The following TOGARAM1 variants were observed in gnomAD, a reference collection of about 807,000 sequenced individuals.
TOGARAM1 encodes the protein TOG array regulator of axonemal microtubules 1, also known as TOG array regulator of axonemal microtubules protein 1.
A neutral mutation model predicts 166.6 loss-of-function variants in TOGARAM1; 100 were observed. The observed-to-expected ratio is 0.60, with a 90% CI of 0.51 to 0.71. The LOEUF (loss-of-function observed/expected upper bound fraction) is 0.71. Ranked by LOEUF, TOGARAM1 falls within the 30% of genes least tolerant of loss-of-function variation. The pLI, the probability that TOGARAM1 is intolerant of heterozygous loss-of-function variation, is 0.00. For missense variants in TOGARAM1, 2,029 were observed against 2,102.7 expected, an observed-to-expected ratio of 0.96 and a Z score of 0.69; for synonymous variants, 758 against 763.8, an observed-to-expected ratio of 0.99 and a Z score of 0.13.
Position 45,046,582 on chromosome 14 carries a change from C to A in TOGARAM1, c.4192C>A (p.His1398Asn). Residue 1398 changes from histidine to asparagine, a missense_variant, in exon 14 of 20, where the codon CAT becomes AAT. This residue lies in a region of TOGARAM1 where 576 missense variants were observed against 670.5 expected (regional missense o/e 0.86). Coordinates refer to ENST00000361462, the MANE Select transcript of TOGARAM1 (RefSeq NM_001308120.2). ...HIAVRRCTAQHLSDVLEFMEP... is the reference protein window; with the variant it reads ...HIAVRRCTAQNLSDVLEFMEP... The stretch of plus-strand genomic sequence containing the variant: ...TGCTGTAAGAAGGTGTACAGCCCAG[C>A]ATTTATCAGATGTATTGGAATTTAT... The A allele has an allele frequency of 1.4e-6, 2 of 1,388,754 alleles. No individual in the cohort carries two copies. The highest frequency in any genetic ancestry group is 1.9e-6 in the Non-Finnish European group (2 of 1,064,518). The allele number at this position is 1,388,754 out of a possible 1,614,324, so 86.0% of individuals were successfully genotyped here.
At chr14:45,002,537 G>A (rs558966212) in intron 3 of TOGARAM1, among the ~76,000 whole-genome samples, 1 of 152,260 alleles carries the variant, frequency 6.6e-6, no homozygotes, top group African/African-American at 2.4e-5. Flanking sequence ...CTATGGTATG[G>A]ATGCAAAACA....
At chr14:45,036,383 A>G (rs1881439816) in intron 11 of TOGARAM1, among the ~76,000 whole-genome samples, 1 of 152,164 alleles carries the variant, frequency 6.6e-6, no homozygotes, top group African/African-American at 2.4e-5. Flanking sequence ...AGATTAGATT[A>G]AAAAGCAAGA....
intron 16 of TOGARAM1, among the ~76,000 whole-genome samples, chr14:45,056,212 T>C (rs1882630049): frequency 6.6e-6 from 1 of 152,204 alleles, no homozygotes; most frequent in African/African-American, 2.4e-5. Flanking sequence ...TATTGATTTT[T>C]TTAAGTTGAT....
intron 10 of TOGARAM1, 105 bp downstream of exon 10, chr14:45,028,434 T>C: frequency 2.5e-6 from 3 of 1,217,350 alleles, no homozygotes; most frequent in Non-Finnish European, 3.4e-6. Context: ...TGAAATATCT[T>C]ATATAACACC....
intron 10 of TOGARAM1, among the ~76,000 whole-genome samples, chr14:45,031,498 C>G (rs7146138): frequency 3.7e-4 from 56 of 152,254 alleles, no homozygotes; most frequent in African/African-American, 1.1e-3. Context: ...TAGAGAAAAT[C>G]AACTAGAATT....
intron 2 of TOGARAM1, among the ~76,000 whole-genome samples, chr14:44,999,110 T>A (rs1299422102): frequency 6.6e-6 from 1 of 152,062 alleles, no homozygotes; most frequent in Non-Finnish European, 1.5e-5. Context: ...AAGAAACTGC[T>A]TTTGCAGATA....
intron 11 of TOGARAM1, among the ~76,000 whole-genome samples, chr14:45,041,960 A>G (rs1228108054): frequency 1.3e-5 from 2 of 152,144 alleles, no homozygotes; most frequent in Non-Finnish European, 2.9e-5. Flanking sequence ...ACAGAGTTTC[A>G]CCCAAGCTAG....
intron 16 of TOGARAM1, among the ~76,000 whole-genome samples, chr14:45,058,305 T>A (rs1882739764): frequency 6.6e-6 from 1 of 151,996 alleles, no homozygotes; most frequent in Non-Finnish European, 1.5e-5. Flanking sequence ...GTCTTTTTTT[T>A]TTTTTTTGAG....
chr14:45,043,012 A>G (rs139669685), intron 11 of TOGARAM1, among the ~76,000 whole-genome samples: 188 of 152,258 alleles, frequency 1.2e-3, no homozygotes, highest in African/African-American at 4.3e-3. Context: ...TAAGAATCAT[A>G]CTGGTTTTGA....
In TOGARAM1 at chr14:45,004,171, T is replaced by A. The variant is rs1887830948; in HGVS notation, c.2449T>A (p.Ser817Thr). Residue 817 changes from serine (S) to threonine (T), a missense_variant, in exon 4 of 20, where the codon TCC (serine) becomes ACC (threonine). Around this residue, in one of 2 missense-constraint regions of TOGARAM1, gnomAD observed 1,453 missense variants for 1,432.2 expected, o/e 1.01. Coordinates refer to ENST00000361462, the MANE Select transcript of TOGARAM1 (RefSeq NM_001308120.2). ...NPSPGAYILP[S>T]YPVSSPRTSP... ...AAGTCCAGGAGCTTACATCCTTCCA[T>A]CCTATCCTGTCTCATCACCTCGAAC... The A allele has an allele frequency of 6.2e-7, 1 of 1,614,016 alleles. No individual in the cohort carries two copies. The highest frequency in any genetic ancestry group is 8.5e-7 in the Non-Finnish European group (1 of 1,180,024).
At chr14:44,982,217 G>A (rs1006943505) in intron 1 of TOGARAM1, among the ~76,000 whole-genome samples, 4 of 152,078 alleles carry the variant, frequency 2.6e-5, no homozygotes, top group South Asian at 2.1e-4. Context: ...ATATAATATC[G>A]TGGTGTGTTT....
intron 1 of TOGARAM1, among the ~76,000 whole-genome samples, chr14:44,994,172 T>C (rs897973132): frequency 6.6e-6 from 1 of 152,182 alleles, no homozygotes; most frequent in Non-Finnish European, 1.5e-5. Context: ...AGTGGCATGA[T>C]CTTGGCTCAC....
Position 45,004,042 on chromosome 14 carries a change from A to T in TOGARAM1, c.2339-19A>T. The T allele has an allele frequency of 6.3e-7, 1 of 1,586,502 alleles. No homozygotes were observed. The highest frequency in any genetic ancestry group is 8.6e-7 in the Non-Finnish European group (1 of 1,166,984). On this transcript the variant is annotated intron_variant, in intron 3 of 19. Transcript: ENST00000361462. ...ACTGTGTATACATAAATAATATATT[A>T]TCTTTTGTTTTATTACAGTGTATGC...
At chr14:45,062,066 C>G (rs142396892) in intron 16 of TOGARAM1, among the ~76,000 whole-genome samples, 2 of 152,218 alleles carry the variant, frequency 1.3e-5, no homozygotes, top group East Asian at 3.9e-4. Context: ...ATATTACTGA[C>G]TATTTTATAT....
At chr14:45,026,987 G>A (rs1426467869) in intron 8 of TOGARAM1, among the ~76,000 whole-genome samples, 1 of 151,970 alleles carries the variant, frequency 6.6e-6, no homozygotes, top group Non-Finnish European at 1.5e-5. Flanking sequence ...CAGCCTGGGT[G>A]ACAGAGAGAG....
At chr14:45,002,084 A>C (rs1415973988) in intron 3 of TOGARAM1, among the ~76,000 whole-genome samples, 1 of 152,104 alleles carries the variant, frequency 6.6e-6, no homozygotes, top group African/African-American at 2.4e-5. Flanking sequence ...TTAGTAGAGA[A>C]GATTTCGTGT....
rs1485082790 is a variant in TOGARAM1, at chr14:45,006,171, G to T, written c.2808G>T (p.Lys936Asn). ...KADLSTVGHK[K>N]KEPDDIWKCE... ...ATTTAAGCACAGTGGGACACAAAAAGAAAGAGCCTGATGATATTTGGAAGT... is the reference window on the plus strand; with the variant it reads ...ATTTAAGCACAGTGGGACACAAAAATAAAGAGCCTGATGATATTTGGAAGT... Residue 936 changes from lysine (K) to asparagine (N), a missense_variant, in exon 5 of 20, where the codon AAG (lysine) becomes AAT (asparagine). Lys to Asn is a moderately conservative substitution (Grantham distance 94, BLOSUM62 0). Coordinates refer to ENST00000361462, the MANE Select transcript of TOGARAM1 (RefSeq NM_001308120.2). The T allele has an allele frequency of 6.2e-7, 1 of 1,613,896 alleles. No individual in the cohort carries two copies. The highest frequency in any genetic ancestry group is 8.5e-7 in the Non-Finnish European group (1 of 1,179,948).
chr14:45,004,379 A>G lies in TOGARAM1; in HGVS notation c.2644+13A>G, dbSNP rs200505398. 2.5e-6 allele frequency: 4 copies of G among 1,604,620 alleles called. No homozygotes were observed. The highest frequency in any genetic ancestry group is 3.4e-6 in the Non-Finnish European group (4 of 1,175,734). On this transcript the variant is annotated intron_variant, in intron 4 of 19. Transcript: ENST00000361462. ...GGTAGAAATCATGGTAAAAGTCAAT[A>G]CTTTGTTCAAATTTATTTGTGTTTG...
chr14:44,972,117 G>T (rs1442524580), intron 1 of TOGARAM1, among the ~76,000 whole-genome samples: 1 of 152,104 alleles, frequency 6.6e-6, no homozygotes, highest in African/African-American at 2.4e-5. Flanking sequence ...CCATGATCCA[G>T]TCATCCCCCA....
Sources: gnomAD v4.1 joint callset for allele counts (sites outside exome capture counted in the v4.1 genomes callset) on GRCh38, gnomAD v4.1.1 for gene constraint, gnomAD v4.1.1 regional missense constraint, MANE v1.5 for transcripts, NCBI Gene and HGNC (gene_info 2026-07-23, HGNC 2026-07-21) for gene names.